Variants in MAP2K6 observed in about 807,000 individuals in gnomAD.
MAP2K6 encodes dual specificity mitogen-activated protein kinase kinase 6.
Under a neutral mutation model 53.7 loss-of-function variants are expected in MAP2K6, and 16 were observed. The observed-to-expected ratio is 0.30, with a 90% confidence interval of 0.20 to 0.45. The LOEUF is 0.45. Ranked by LOEUF, MAP2K6 falls within the 20% of genes least tolerant of loss-of-function variation. The probability of loss-of-function intolerance (pLI) is 1.00; values close to 1 mark genes in which losing one functional copy is unlikely to be tolerated. For synonymous variants in MAP2K6, 132 were observed against 143.1 expected (o/e 0.92, Z 0.55); for missense variants, 204 against 411.9 (o/e 0.50, Z 4.37).
At chr17:69,423,006 C>T (rs1225865177) in intron 1 of MAP2K6, among the ~76,000 whole-genome samples, 1 of 152,182 alleles carries the variant, frequency 6.6e-6, no homozygotes, top group Non-Finnish European at 1.5e-5. Flanking sequence ...GCCTCAGCCT[C>T]CCGAGTAGCT....
chr17:69,494,479 C>A lies in MAP2K6; in HGVS notation c.17-11301C>A, dbSNP rs181886775. 1.3e-5 allele frequency among the ~76,000 whole-genome samples: 2 copies of A among 149,794 alleles called. No individual in the cohort carries two copies. Among genetic ancestry groups the A allele is most frequent in the African/African-American group, 4.9e-5 (2 of 40,566 alleles). The stretch of plus-strand genomic sequence containing the variant: ...TGCCACTGCACTCCAGCCTGGGTGA[C>A]AAAGTGAGACTCTGTCTTTAAAAAA... On this transcript the variant is annotated intron_variant, in intron 1 of 11. Transcript: ENST00000590474. The surrounding 1 kb of genome is among the most constrained non-coding windows in gnomAD (Gnocchi z 4.2).
intron 1 of MAP2K6, among the ~76,000 whole-genome samples, chr17:69,451,811 C>T (rs1041826220): frequency 1.3e-5 from 2 of 152,142 alleles, no homozygotes; most frequent in Non-Finnish European, 2.9e-5. Context: ...TGAAGTGGTT[C>T]TCTTTCCCTG....
At chr17:69,493,548 G>T (rs1908833691) in intron 1 of MAP2K6, among the ~76,000 whole-genome samples, 1 of 152,124 alleles carries the variant, frequency 6.6e-6, no homozygotes, top group Non-Finnish European at 1.5e-5. Context: ...ATCACCTGAG[G>T]TCAGGAGTTT....
intron 1 of MAP2K6, among the ~76,000 whole-genome samples, chr17:69,424,684 T>C (rs926362931): frequency 6.6e-6 from 1 of 152,174 alleles, no homozygotes; most frequent in Non-Finnish European, 1.5e-5. Flanking sequence ...ACGAGTGTAT[T>C]CTGTAGGAAT....
intron 1 of MAP2K6, among the ~76,000 whole-genome samples, chr17:69,415,946 G>A (rs1000711495): frequency 1.3e-5 from 2 of 151,986 alleles, no homozygotes; most frequent in African/African-American, 4.8e-5. Context: ...TGTCACCCTG[G>A]GAAGGGGATT....
intron 1 of MAP2K6, among the ~76,000 whole-genome samples, chr17:69,431,813 A>G (rs1465376375): frequency 6.6e-6 from 1 of 152,194 alleles, no homozygotes; most frequent in Non-Finnish European, 1.5e-5. Context: ...ACCTTCTGTG[A>G]CTTTCTTGCA....
chr17:69,442,341 A>C (rs1266470897), intron 1 of MAP2K6, among the ~76,000 whole-genome samples: 1 of 152,122 alleles, frequency 6.6e-6, no homozygotes, highest in Non-Finnish European at 1.5e-5. Context: ...GGCAACTTCC[A>C]GATCTTGCTC....
intron 1 of MAP2K6, among the ~76,000 whole-genome samples, chr17:69,479,719 C>CTTTTTTTTT (rs557461445): frequency 1.5e-5 from 2 of 137,246 alleles, no homozygotes; most frequent in African/African-American, 2.7e-5. Flanking sequence ...TCCTTTTGTT[C>CTTTTTTTTT]TTTTTTTTTT....
intron 1 of MAP2K6, among the ~76,000 whole-genome samples, chr17:69,472,860 G>A (rs1309189238): frequency 3.3e-5 from 5 of 152,034 alleles, no homozygotes; most frequent in Admixed American, 6.6e-5. Flanking sequence ...CACCATGCCC[G>A]TCTAATTTCT....
chr17:69,537,331 G>A (rs1911409938), intron 11 of MAP2K6, among the ~76,000 whole-genome samples: 1 of 152,108 alleles, frequency 6.6e-6, no homozygotes, highest in East Asian at 1.9e-4. Context: ...TTTTAGCAGG[G>A]GAAGGAAGAG....
intron 10 of MAP2K6, among the ~76,000 whole-genome samples, chr17:69,535,777 G>A (rs1911322983): frequency 6.6e-6 from 1 of 152,042 alleles, no homozygotes; most frequent in Non-Finnish European, 1.5e-5. Context: ...CTGTGGAAAT[G>A]GCATTAAAGC....
chr17:69,482,026 T>C (rs1230524916), intron 1 of MAP2K6, among the ~76,000 whole-genome samples: 1 of 152,160 alleles, frequency 6.6e-6, no homozygotes, highest in Non-Finnish European at 1.5e-5. Context: ...ATTTCTAGTG[T>C]AGGGTTGGCC....
intron 4 of MAP2K6, among the ~76,000 whole-genome samples, chr17:69,518,150 A>C (rs753193380): frequency 6.6e-6 from 1 of 152,140 alleles, no homozygotes; most frequent in Non-Finnish European, 1.5e-5. Context: ...AGATCGTGCC[A>C]CTGCACTCCG....
At chr17:69,480,580 A>G (rs1439591695) in intron 1 of MAP2K6, among the ~76,000 whole-genome samples, 3 of 152,186 alleles carry the variant, frequency 2.0e-5, no homozygotes, top group African/African-American at 7.2e-5. Context: ...GAAAAAGTCC[A>G]TTTCATTCTT....
intron 2 of MAP2K6, among the ~76,000 whole-genome samples, chr17:69,514,415 T>C (rs977410012): frequency 6.6e-6 from 1 of 152,174 alleles, no homozygotes; most frequent in African/African-American, 2.4e-5. Context: ...CATTGTTTTT[T>C]TCTCTCTCTC....
At chr17:69,512,639 A>G (rs966885459) in intron 2 of MAP2K6, among the ~76,000 whole-genome samples, 7 of 152,038 alleles carry the variant, frequency 4.6e-5, no homozygotes, top group African/African-American at 1.7e-4. Context: ...GCCCGGCCTG[A>G]GTGTTCTTAA....
At chr17:69,502,705 G>C (rs541389739) in intron 1 of MAP2K6, 4 of 985,364 alleles carry the variant, frequency 4.1e-6, no homozygotes, top group Non-Finnish European at 2.4e-6. Flanking sequence ...ATGTTGATGT[G>C]GGGGGCTGTG....
intron 1 of MAP2K6, among the ~76,000 whole-genome samples, chr17:69,474,696 A>G (rs772771575): frequency 2.6e-5 from 4 of 152,338 alleles, no homozygotes; most frequent in African/African-American, 4.8e-5. Flanking sequence ...TGGTGGTAAT[A>G]CTTCTAGGAC....
chr17:69,541,099 T>C (rs1911599411), intron 11 of MAP2K6, among the ~76,000 whole-genome samples: 1 of 152,046 alleles, frequency 6.6e-6, no homozygotes, highest in African/African-American at 2.4e-5. Context: ...CTGTCTCTAC[T>C]AAAAATATAA....
Sources: allele counts gnomAD v4.1 joint callset (sites outside exome capture counted in the v4.1 genomes callset), GRCh38; gene constraint gnomAD v4.1.1; non-coding constraint Gnocchi (gnomAD v3.1); transcripts MANE v1.5; gene names NCBI Gene and HGNC (gene_info 2026-07-23, HGNC 2026-07-21).